The following ARHGAP19 variants were observed in gnomAD, a reference collection of about 807,000 sequenced individuals.
ARHGAP19 encodes the protein rho GTPase-activating protein 19.
In ARHGAP19, 48 loss-of-function variants were observed where a neutral mutation model predicts 60.9. That is an observed-to-expected ratio of 0.79 (90% CI 0.62 to 1.00). ARHGAP19 has a LOEUF of 1.00. ARHGAP19 is among the 50% of genes least tolerant of loss of function. ARHGAP19 has a pLI of 0.00. For missense variants in ARHGAP19, 562 were observed against 597.2 expected, an observed-to-expected ratio of 0.94 and a Z score of 0.61; for synonymous variants, 209 against 215.5, an observed-to-expected ratio of 0.97 and a Z score of 0.27.
intron 8 of ARHGAP19, among the ~76,000 whole-genome samples, chr10:97,242,561 G>A (rs1316467634): frequency 6.6e-6 from 1 of 151,892 alleles, no homozygotes; most frequent in Non-Finnish European, 1.5e-5. Flanking sequence ...TGACCAGGCT[G>A]GAGTGCAATG....
At chr10:97,261,360 T>G (rs1342837869) in intron 4 of ARHGAP19, among the ~76,000 whole-genome samples, 1 of 152,156 alleles carries the variant, frequency 6.6e-6, no homozygotes, top group African/African-American at 2.4e-5. Flanking sequence ...GCAAGGCATA[T>G]GAAAGGCTAC....
At chr10:97,282,067 T>G (rs773722473) in intron 1 of ARHGAP19, among the ~76,000 whole-genome samples, 1 of 152,188 alleles carries the variant, frequency 6.6e-6, no homozygotes, top group Non-Finnish European at 1.5e-5. Flanking sequence ...AGCACCCCCA[T>G]TTTCCTTTAA....
rs1428172011 is a variant in ARHGAP19, at chr10:97,256,414, G to A, written c.841-10C>T. On this transcript the variant is annotated splice_polypyrimidine_tract_variant and intron_variant, in intron 5 of 11. Coordinates refer to ENST00000358531, the MANE Select transcript of ARHGAP19 (RefSeq NM_032900.6). ...GGTCATTTGCAGTGACCTATTCAGAGGAAAAGAAACCAAACAATGGACATT... is the reference window on the plus strand; with the variant it reads ...GGTCATTTGCAGTGACCTATTCAGAAGAAAAGAAACCAAACAATGGACATT... The A allele has an allele frequency of 1.2e-6, 2 of 1,601,088 alleles. No homozygotes were observed. The highest frequency in any genetic ancestry group is 2.7e-5 in the African/African-American group (2 of 74,644).
At chr10:97,282,391 A>G (rs1212216077) in intron 1 of ARHGAP19, among the ~76,000 whole-genome samples, 1 of 152,212 alleles carries the variant, frequency 6.6e-6, no homozygotes, top group Admixed American at 6.5e-5. Flanking sequence ...ATCTAACAAC[A>G]CTGAGATTTG....
rs759386281 is a variant in ARHGAP19 at position 97,292,609 on chromosome 10, T to G, written c.19A>C (p.Ser7Arg). Residue 7 changes from serine (S) to arginine (R), a missense_variant, in exon 1 of 12, where the codon AGT (serine) becomes CGT (arginine). Transcript: ENST00000358531. ...TCGCGGGCTGGCACCTCCCCTTCAC[T>G]CTGTGCCTCAGTCGCCATCTTCGTC... MATEAQ[S>R]EGEVPARESG... The G allele has an allele frequency of 8.7e-6, 14 of 1,614,124 alleles. No individual in the cohort carries two copies. In the Admixed American group the frequency reaches 1.0e-4, roughly 12 times the overall value.
At chr10:97,265,187 C>T (rs1414742) in intron 2 of ARHGAP19, among the ~76,000 whole-genome samples, 6,453 of 152,048 alleles carry the variant, frequency 0.042, 204 homozygotes, top group Non-Finnish European at 0.061. Context: ...AGATATCTAG[C>T]GTGTTAGTAT....
At chr10:97,236,402 T>C (rs1010170185) in intron 8 of ARHGAP19, among the ~76,000 whole-genome samples, 1 of 152,174 alleles carries the variant, frequency 6.6e-6, no homozygotes, top group Non-Finnish European at 1.5e-5. Flanking sequence ...TTCTCAAAGT[T>C]AATTGTCTCG....
intron 7 of ARHGAP19, among the ~76,000 whole-genome samples, chr10:97,245,866 C>T (rs762210273): frequency 6.6e-6 from 1 of 152,134 alleles, no homozygotes; most frequent in Non-Finnish European, 1.5e-5. Flanking sequence ...TGTCATCACT[C>T]TTACACAGAG....
chr10:97,280,122 T>C (rs956931113), intron 1 of ARHGAP19, among the ~76,000 whole-genome samples: 2 of 152,148 alleles, frequency 1.3e-5, no homozygotes, highest in African/African-American at 4.8e-5. Context: ...GAAAGTAACA[T>C]CAGGCTGGGT....
At chr10:97,237,263 CAAAAAAAAAA>C (rs367997995) in intron 8 of ARHGAP19, among the ~76,000 whole-genome samples, 35 of 119,042 alleles carry the variant, frequency 2.9e-4, no homozygotes, top group Admixed American at 1.9e-3. Context: ...GACCTTGTCT[CAAAAAAAAAA>C]AAAAAAAAAC....
intron 8 of ARHGAP19, among the ~76,000 whole-genome samples, chr10:97,237,350 A>G (rs1283848785): frequency 2.0e-5 from 3 of 152,130 alleles, no homozygotes; most frequent in Non-Finnish European, 4.4e-5. Context: ...GCACCACATA[A>G]TGACATTTTG....
In ARHGAP19 at chr10:97,229,890, A is replaced by G. The variant is rs764990308; in HGVS notation, c.1285-16T>C. ...GGACCTTCCGCTGATTTAAGAACAG[A>G]AAACATTTGATTTATAAACACCTAC... is the stretch of plus-strand genomic sequence containing the variant. On this transcript the variant is annotated splice_polypyrimidine_tract_variant and intron_variant, in intron 9 of 11. Transcript: ENST00000358531. The G allele has an allele frequency of 6.4e-7, 1 of 1,554,680 alleles. No individual in the cohort carries two copies.
chr10:97,248,324 G>A (rs1842592642), intron 6 of ARHGAP19, among the ~76,000 whole-genome samples: 1 of 152,036 alleles, frequency 6.6e-6, no homozygotes, highest in African/African-American at 2.4e-5. Flanking sequence ...TGAGGTGGGA[G>A]GATCGACTGG....
chr10:97,265,935 C>A lies in ARHGAP19; in HGVS notation c.247G>T (p.Val83Leu). 1 of 1,614,160 alleles carries A rather than the reference C, an allele frequency of 6.2e-7. No individual in the cohort carries two copies. The highest frequency in any genetic ancestry group is 8.5e-7 in the Non-Finnish European group (1 of 1,180,038). ...GTELAQLMGE[V>L]DLKLPGGAGP... is the part of the protein sequence containing the mutation. ...GCCCCGCCAGGCAACTTAAGGTCCA[C>A]TTCCCCCATCAGCTGAGCCAACTCA... is the stretch of plus-strand genomic sequence containing the variant. Residue 83 changes from valine (V) to leucine (L), a missense_variant, in exon 2 of 12, where the codon GTG becomes TTG. Physicochemically the swap from Val to Leu is conservative, Grantham distance 32 (BLOSUM62 1). Coordinates refer to ENST00000358531, the MANE Select transcript of ARHGAP19 (RefSeq NM_032900.6).
At chr10:97,234,615 C>G (rs1335436900) in intron 9 of ARHGAP19, among the ~76,000 whole-genome samples, 2 of 152,162 alleles carry the variant, frequency 1.3e-5, no homozygotes, top group Non-Finnish European at 1.5e-5. Flanking sequence ...TATTCCTTCA[C>G]TACATGTTCC....
intron 1 of ARHGAP19, among the ~76,000 whole-genome samples, chr10:97,271,645 A>G (rs760318946): frequency 1.1e-4 from 17 of 152,152 alleles, no homozygotes; most frequent in Middle Eastern, 3.4e-3. Context: ...GCAAAATCAA[A>G]TTCAGGTGGT....
chr10:97,234,846 T>C (rs1851100145), intron 9 of ARHGAP19, among the ~76,000 whole-genome samples: 1 of 152,234 alleles, frequency 6.6e-6, no homozygotes, highest in Non-Finnish European at 1.5e-5. Context: ...CCCTAGTCTG[T>C]CTCAACTTCC....
chr10:97,245,035 T>A (rs1347977244), intron 7 of ARHGAP19, among the ~76,000 whole-genome samples: 1 of 152,064 alleles, frequency 6.6e-6, no homozygotes, highest in African/African-American at 2.4e-5. Context: ...AGATGGGGTC[T>A]CACTCTGTCA....
intron 8 of ARHGAP19, among the ~76,000 whole-genome samples, chr10:97,243,219 G>A (rs971367171): frequency 3.3e-5 from 5 of 152,144 alleles, no homozygotes; most frequent in African/African-American, 1.2e-4. Context: ...CTTATGCTGA[G>A]AGTAGGTATA....
Sources: gnomAD v4.1 joint callset for allele counts (sites outside exome capture counted in the v4.1 genomes callset) on GRCh38, gnomAD v4.1.1 for gene constraint, MANE v1.5 for transcripts, NCBI Gene and HGNC (gene_info 2026-07-23, HGNC 2026-07-21) for gene names.